KCNT2: variants seen among roughly 807,000 people sequenced by gnomAD.
The protein encoded by KCNT2 is potassium channel subfamily T member 2.
In KCNT2, 67 loss-of-function variants were observed where a neutral mutation model predicts 153.8. The observed-to-expected ratio is 0.44, with a 90% CI of 0.36 to 0.53. The LOEUF (loss-of-function observed/expected upper bound fraction) is 0.53, where lower values mean the gene tolerates loss of function less well. Among genes scored for constraint, KCNT2 ranks in the 20% least tolerant of loss-of-function variants. KCNT2 has a pLI of 0.00. For synonymous variants in KCNT2, 500 were observed against 458.8 expected, an observed-to-expected ratio of 1.09 and a Z score of -1.15; for missense variants, 975 against 1,354.8, an observed-to-expected ratio of 0.72 and a Z score of 4.40.
At chr1:196,431,449 T>C (rs529060233) in intron 8 of KCNT2, among the ~76,000 whole-genome samples, 1 of 152,202 alleles carries the variant, frequency 6.6e-6, no homozygotes, top group South Asian at 2.1e-4. Flanking sequence ...ACTCTTCTTA[T>C]AGATTATTTA....
At chr1:196,280,307 C>A (rs920401650) in intron 25 of KCNT2, among the ~76,000 whole-genome samples, 2 of 152,152 alleles carry the variant, frequency 1.3e-5, no homozygotes, top group Non-Finnish European at 2.9e-5. Context: ...CTAACAAGAT[C>A]AAGTTTGCTG....
intron 26 of KCNT2, among the ~76,000 whole-genome samples, chr1:196,242,113 T>A (rs1655011384): frequency 6.6e-6 from 1 of 152,140 alleles, no homozygotes; most frequent in Non-Finnish European, 1.5e-5. Flanking sequence ...ATGGAAGCTA[T>A]CAATAAATGC....
intron 8 of KCNT2, among the ~76,000 whole-genome samples, chr1:196,449,040 A>T (rs2148612873): frequency 6.6e-6 from 1 of 151,880 alleles, no homozygotes; most frequent in South Asian, 2.1e-4. Context: ...GTTTGAATTT[A>T]TAATCATAAA....
intron 4 of KCNT2, among the ~76,000 whole-genome samples, chr1:196,480,316 CTT>C (rs1678898924): frequency 6.6e-6 from 1 of 151,954 alleles, no homozygotes; most frequent in African/African-American, 2.4e-5. Flanking sequence ...GGATAAAAAT[CTT>C]TGAATTTAAA....
At chr1:196,328,009 G>T (rs960773452) in intron 18 of KCNT2, among the ~76,000 whole-genome samples, 7 of 152,020 alleles carry the variant, frequency 4.6e-5, no homozygotes, top group Admixed American at 4.6e-4. Context: ...AAAGCACCAT[G>T]AGTAAACAGA....
intron 1 of KCNT2, among the ~76,000 whole-genome samples, chr1:196,516,951 T>G (rs1321606944): frequency 6.6e-6 from 1 of 152,096 alleles, no homozygotes; most frequent in Non-Finnish European, 1.5e-5. Flanking sequence ...CCTCATTGGG[T>G]GGGTCCTCCC....
chr1:196,449,239 G>A (rs991872995), intron 8 of KCNT2, among the ~76,000 whole-genome samples: 1 of 151,548 alleles, frequency 6.6e-6, no homozygotes, highest in African/African-American at 2.4e-5. Context: ...ACACTAGAGG[G>A]AACAAGCTCA....
At chr1:196,515,830 C>A (rs1321941559) in intron 1 of KCNT2, among the ~76,000 whole-genome samples, 2 of 152,110 alleles carry the variant, frequency 1.3e-5, no homozygotes, top group Admixed American at 6.5e-5. Flanking sequence ...CAACACAGAG[C>A]CAGTGTAGCC....
chr1:196,451,180 C>G (rs115637716), intron 8 of KCNT2, among the ~76,000 whole-genome samples: 2,503 of 140,344 alleles, frequency 0.018, 77 homozygotes, highest in African/African-American at 0.061. Flanking sequence ...AATAAATATT[C>G]GCATTGTTAG....
chr1:196,467,820 A>G (rs1360975201), intron 6 of KCNT2, 34 bp from the exon 7 acceptor site: 1 of 1,379,448 alleles, frequency 7.2e-7, no homozygotes, highest in Non-Finnish European at 1.0e-6. Flanking sequence ...CTAGACTTTT[A>G]TCTCAAAGCA....
intron 8 of KCNT2, among the ~76,000 whole-genome samples, chr1:196,443,760 G>T (rs1205783008): frequency 1.3e-5 from 2 of 151,514 alleles, no homozygotes; most frequent in Admixed American, 1.3e-4. Flanking sequence ...TGTCTTGAAA[G>T]ATATTTCTAA....
chr1:196,530,373 T>C (rs1003172119), intron 1 of KCNT2, among the ~76,000 whole-genome samples: 5 of 152,098 alleles, frequency 3.3e-5, no homozygotes, highest in Admixed American at 3.3e-4. Context: ...ATATTTTAAC[T>C]AACTGTTCAG....
intron 13 of KCNT2, among the ~76,000 whole-genome samples, chr1:196,383,234 C>T (rs767650912): frequency 4.6e-5 from 7 of 152,080 alleles, no homozygotes; most frequent in Non-Finnish European, 7.4e-5. Context: ...AAGAACAGGT[C>T]GTAACCCATT....
intron 1 of KCNT2, among the ~76,000 whole-genome samples, chr1:196,492,935 G>A (rs576928172): frequency 1.3e-5 from 2 of 152,158 alleles, no homozygotes; most frequent in South Asian, 4.1e-4. Context: ...AACTGTTAAG[G>A]TTACCACAGA....
chr1:196,415,191 T>C (rs539540795), intron 12 of KCNT2, among the ~76,000 whole-genome samples: 1 of 151,948 alleles, frequency 6.6e-6, no homozygotes, highest in Non-Finnish European at 1.5e-5. Context: ...CTCGACATTT[T>C]GAAAACTGGA....
intron 1 of KCNT2, among the ~76,000 whole-genome samples, chr1:196,544,063 A>G (rs1293554077): frequency 6.6e-6 from 1 of 152,148 alleles, no homozygotes; most frequent in Non-Finnish European, 1.5e-5. Context: ...ATAAAAAGGA[A>G]CAAATCACTC....
At chr1:196,465,416 A>C in intron 7 of KCNT2, 29 bp from the exon 8 acceptor site, 1 of 1,236,512 alleles carries the variant, frequency 8.1e-7, no homozygotes, top group Non-Finnish European at 1.2e-6. Context: ...AAAGTTGTAA[A>C]TTTTGATAAA....
At chr1:196,381,210 C>T (rs921992855) in intron 13 of KCNT2, among the ~76,000 whole-genome samples, 6 of 152,064 alleles carry the variant, frequency 3.9e-5, no homozygotes, top group African/African-American at 1.2e-4. Context: ...CTATTAAATA[C>T]TCAAAAGGGG....
intron 1 of KCNT2, among the ~76,000 whole-genome samples, chr1:196,554,220 A>ACAT (rs1224652341): frequency 6.6e-6 from 1 of 151,252 alleles, no homozygotes; most frequent in Non-Finnish European, 1.5e-5. Flanking sequence ...AATGAATAAA[A>ACAT]CATTGGTTTC....
Sources: gnomAD v4.1 joint callset for allele counts (sites outside exome capture counted in the v4.1 genomes callset) on GRCh38, gnomAD v4.1.1 for gene constraint, MANE v1.5 for transcripts, NCBI Gene and HGNC (gene_info 2026-07-23, HGNC 2026-07-21) for gene names.